ADAM12: variants seen among roughly 807,000 people sequenced by gnomAD.
ADAM12 encodes the protein ADAM metallopeptidase domain 12.
ADAM12 carries 70 observed loss-of-function variants against 106.4 expected under a neutral mutation model. The observed-to-expected ratio is 0.66, with a 90% confidence interval of 0.54 to 0.80. The LOEUF is 0.80. ADAM12 is among the 30% of genes least tolerant of loss of function. ADAM12 has a pLI of 0.00. For synonymous variants in ADAM12, 420 were observed against 433.5 expected, an observed-to-expected ratio of 0.97 and a Z score of 0.39; for missense variants, 1,010 against 1,171.9, an observed-to-expected ratio of 0.86 and a Z score of 2.02.
At chr10:126,353,972 G>C (rs1855453812) in intron 1 of ADAM12, among the ~76,000 whole-genome samples, 1 of 151,664 alleles carries the variant, frequency 6.6e-6, no homozygotes, top group African/African-American at 2.4e-5. Flanking sequence ...AATCCCTAAA[G>C]GAAGTTAACC....
chr10:126,269,143 G>T (rs576979691), intron 3 of ADAM12, among the ~76,000 whole-genome samples: 1 of 152,176 alleles, frequency 6.6e-6, no homozygotes, highest in Non-Finnish European at 1.5e-5. Flanking sequence ...TCATGGTGCT[G>T]GTGGGAGGGT....
chr10:126,109,858 G>C lies in ADAM12; in HGVS notation c.604-18C>G. ...CTTTTATGCTGCCAAGAGTAAACAT[G>C]CACTTAATCTCTCTTAATGCCTCTC... On this transcript the variant is annotated intron_variant, in intron 6 of 22. Coordinates refer to ENST00000448723, the MANE Select transcript of ADAM12 (RefSeq NM_001288973.2). 6.2e-7 allele frequency: 1 copy of C among 1,609,506 alleles called. No individual in the cohort carries two copies. Among genetic ancestry groups the C allele is most frequent in the Non-Finnish European group, 8.5e-7 (1 of 1,177,842 alleles).
chr10:126,029,356 T>C (rs1953934793), intron 21 of ADAM12, among the ~76,000 whole-genome samples: 1 of 152,052 alleles, frequency 6.6e-6, no homozygotes, highest in Non-Finnish European at 1.5e-5. Flanking sequence ...CCATCAGTGA[T>C]ATACTGGGTA....
In ADAM12 at chr10:126,064,807, T is replaced by C; in HGVS notation, c.1608A>G (p.Pro536=). 1.2e-6 allele frequency: 2 copies of C among 1,602,766 alleles called. No individual in the cohort carries two copies. Among genetic ancestry groups the C allele is most frequent in the Non-Finnish European group, 1.7e-6 (2 of 1,175,058 alleles). The change falls in exon 14 of 23, where the codon CCA becomes CCG. Residue 536 remains proline, a splice_region_variant and synonymous_variant. Coordinates refer to ENST00000448723, the MANE Select transcript of ADAM12 (RefSeq NM_001288973.2). This position sits in a 1 kb window ranked among gnomAD's most constrained non-coding sequence, Gnocchi z 4.4. ...GCCGAGCTTGTGGCGGCCACGTACCTGGTCCCCAGAGCGTGACACACTGCT... is the reference window on the plus strand; with the variant it reads ...GCCGAGCTTGTGGCGGCCACGTACCCGGTCCCCAGAGCGTGACACACTGCT... ...HEQQCVTLWG[P]GAKPAPGICF... is the part of the protein sequence containing the mutation.
chr10:126,014,555 G>GT lies in ADAM12; in HGVS notation c.*2723dup, dbSNP rs1953627630. On this transcript the variant is annotated 3_prime_UTR_variant, in exon 23 of 23. Transcript: ENST00000448723. ...CACGCTGTGAAATGTAACCTCCTGT[G>GT]TGTATTTCCACAATGGAGAATGTTA... 1 of 151,908 alleles carries GT rather than the reference G, an allele frequency of 6.6e-6. No homozygotes were observed. The highest frequency in any genetic ancestry group is 6.6e-5 in the Admixed American group (1 of 15,246). The allele number at this position is 151,908 out of a possible 1,614,324, so 9.4% of individuals were successfully genotyped here.
chr10:126,176,913 G>A (rs1957228998), intron 3 of ADAM12, among the ~76,000 whole-genome samples: 1 of 152,116 alleles, frequency 6.6e-6, no homozygotes, highest in Non-Finnish European at 1.5e-5. Flanking sequence ...TGGGACTCCT[G>A]AACTTTCAGA....
intron 18 of ADAM12, among the ~76,000 whole-genome samples, chr10:126,040,092 C>T (rs1483352783): frequency 6.6e-6 from 1 of 152,146 alleles, no homozygotes; most frequent in Non-Finnish European, 1.5e-5. Flanking sequence ...CTATGACCTG[C>T]TGCCATTTTG....
In ADAM12 at chr10:126,029,873, CTG is replaced by C. The variant is rs369778657; in HGVS notation, c.2529+6271_2529+6272del. 6.0e-4 allele frequency among the ~76,000 whole-genome samples: 91 copies of C among 152,298 alleles called. No individual in the cohort carries two copies. In the South Asian group the frequency reaches 8.7e-3, roughly 15 times the overall value. ...AAGAGATGAAAAACCTCCGAACACA[CTG>C]TGTTGGTGAGGAGCTGGATAATAGA... On this transcript the variant is annotated intron_variant, in intron 21 of 22. Transcript: ENST00000448723.
intron 11 of ADAM12, among the ~76,000 whole-genome samples, chr10:126,084,691 G>A (rs1401695909): frequency 3.3e-5 from 5 of 152,178 alleles, no homozygotes; most frequent in African/African-American, 9.7e-5. Flanking sequence ...TTGCCCCACT[G>A]AGCAACTGAC....
At chr10:126,254,566 T>C (rs1341714834) in intron 3 of ADAM12, among the ~76,000 whole-genome samples, 1 of 152,170 alleles carries the variant, frequency 6.6e-6, no homozygotes, top group African/African-American at 2.4e-5. Flanking sequence ...ACAGGTGTGT[T>C]ACTCAGCGTC....
intron 3 of ADAM12, among the ~76,000 whole-genome samples, chr10:126,177,788 C>T (rs1957245410): frequency 6.6e-6 from 1 of 152,200 alleles, no homozygotes; most frequent in Non-Finnish European, 1.5e-5. Context: ...TGCTTTCTTA[C>T]ATTGCAACAA....
intron 4 of ADAM12, among the ~76,000 whole-genome samples, chr10:126,143,072 T>G (rs1956546829): frequency 6.7e-6 from 1 of 149,898 alleles, no homozygotes; most frequent in South Asian, 2.1e-4. Context: ...TGTGCATATG[T>G]GTGCATGTGT....
chr10:126,325,351 G>A (rs1590783784), intron 2 of ADAM12, among the ~76,000 whole-genome samples: 1 of 152,340 alleles, frequency 6.6e-6, no homozygotes, highest in South Asian at 2.1e-4. Context: ...GGAACTGGGG[G>A]GAGGCAAGCC....
intron 3 of ADAM12, among the ~76,000 whole-genome samples, chr10:126,261,863 C>T (rs917568709): frequency 1.3e-5 from 2 of 149,556 alleles, no homozygotes; most frequent in Non-Finnish European, 3.0e-5. Flanking sequence ...AGTGCAGCGG[C>T]GCGATCTCCG....
rs545310117 is a variant in ADAM12, at chr10:126,114,205, C to T, written c.603+3833G>A. 5.9e-5 allele frequency among the ~76,000 whole-genome samples: 9 copies of T among 152,254 alleles called. No homozygotes were observed. In the East Asian group the frequency reaches 1.4e-3, roughly 23 times the overall value. On this transcript the variant is annotated intron_variant, in intron 6 of 22. Coordinates refer to ENST00000448723, the MANE Select transcript of ADAM12 (RefSeq NM_001288973.2). ...CTCTGACACCTGGCCGACATGTAGG[C>T]GGGCAGAAGTAAACAAATGAGACAT...
intron 3 of ADAM12, among the ~76,000 whole-genome samples, chr10:126,239,172 A>C (rs184448791): frequency 2.6e-5 from 4 of 152,350 alleles, no homozygotes; most frequent in Admixed American, 2.6e-4. Context: ...TTTGATTCTG[A>C]ACTAATTCAA....
At chr10:126,102,982 C>A in intron 8 of ADAM12, among the ~76,000 whole-genome samples, 1 of 152,156 alleles carries the variant, frequency 6.6e-6, no homozygotes. Flanking sequence ...AAGAGATGTC[C>A]TTGGGGTCAG....
intron 11 of ADAM12, among the ~76,000 whole-genome samples, chr10:126,093,762 G>T (rs978863499): frequency 5.9e-5 from 9 of 152,350 alleles, no homozygotes; most frequent in South Asian, 2.1e-4. Flanking sequence ...TCAAGGAAAA[G>T]GTCAGCCCTC....
chr10:126,231,011 C>T (rs1055789934), intron 3 of ADAM12, among the ~76,000 whole-genome samples: 1 of 152,082 alleles, frequency 6.6e-6, no homozygotes, highest in Non-Finnish European at 1.5e-5. Context: ...ATTTTAGCAA[C>T]CAAAAACATT....
Sources: gnomAD v4.1 joint callset for allele counts (sites outside exome capture counted in the v4.1 genomes callset) on GRCh38, gnomAD v4.1.1 for gene constraint, Gnocchi (gnomAD v3.1) non-coding constraint, MANE v1.5 for transcripts, NCBI Gene and HGNC (gene_info 2026-07-23, HGNC 2026-07-21) for gene names.